Variants in ACVR1C observed in about 807,000 individuals in gnomAD.
The protein encoded by ACVR1C is activin receptor type-1C.
Under a neutral mutation model 57.9 loss-of-function variants are expected in ACVR1C, and 23 were observed. The observed-to-expected ratio is 0.40, with a 90% CI of 0.29 to 0.56. ACVR1C has a LOEUF of 0.56. Ranked by LOEUF, ACVR1C falls within the 20% of genes least tolerant of loss-of-function variation. The pLI, the probability that ACVR1C is intolerant of heterozygous loss-of-function variation, is 0.50. For synonymous variants in ACVR1C, 214 were observed against 215.3 expected (o/e 0.99, Z 0.05); for missense variants, 480 against 607.9 (o/e 0.79, Z 2.21).
In ACVR1C at chr2:157,530,523, G is replaced by C. The variant is rs1687329454; in HGVS notation, c.*3395C>G. On this transcript the variant is annotated 3_prime_UTR_variant, in exon 9 of 9. Transcript: ENST00000243349. ...TTGTTTTATTAGTAATTCTACAATA[G>C]TAGGTGTAATAAAATAATAAATTAT... The C allele has an allele frequency of 6.6e-6, 1 of 152,060 alleles. No individual in the cohort carries two copies. Among genetic ancestry groups the C allele is most frequent in the East Asian group, 1.9e-4 (1 of 5,206 alleles). The allele number at this position is 152,060 out of a possible 1,614,324, so 9.4% of individuals were successfully genotyped here. A position where few individuals can be genotyped will look rare whatever the true frequency, so the allele number is the denominator to read the frequency against.
intron 3 of ACVR1C, among the ~76,000 whole-genome samples, chr2:157,553,443 A>G (rs1295394229): frequency 6.6e-6 from 1 of 151,942 alleles, no homozygotes. Context: ...TGAAAACGAG[A>G]GAGTCCAGAA....
At chr2:157,621,495 G>A (rs1682770472) in intron 1 of ACVR1C, among the ~76,000 whole-genome samples, 1 of 152,110 alleles carries the variant, frequency 6.6e-6, no homozygotes, top group Non-Finnish European at 1.5e-5. Flanking sequence ...GGGTTTCAGG[G>A]AACCAAGTGG....
intron 8 of ACVR1C, among the ~76,000 whole-genome samples, chr2:157,535,736 T>A (rs905103888): frequency 1.3e-5 from 2 of 152,054 alleles, no homozygotes; most frequent in African/African-American, 4.8e-5. Flanking sequence ...TAAGCTGAGA[T>A]CATGCCACTG....
Position 157,544,438 on chromosome 2 carries a change from T to C in ACVR1C, c.943+7A>G, listed in dbSNP as rs1366515256. The stretch of plus-strand genomic sequence containing the variant: ...AAGTGGAAAAAAAATGAAAAGGAAA[T>C]ACATACCTTGTGTACCAACAATCTC... On this transcript the variant is annotated splice_region_variant and intron_variant, in intron 5 of 8. Transcript: ENST00000243349. 3 of 1,602,864 alleles carry C rather than the reference T, an allele frequency of 1.9e-6. No homozygotes were observed. The highest frequency in any genetic ancestry group is 2.2e-5 in the East Asian group (1 of 44,734).
chr2:157,555,504 G>T (rs1270649523), intron 3 of ACVR1C, among the ~76,000 whole-genome samples: 5 of 152,212 alleles, frequency 3.3e-5, no homozygotes, highest in Non-Finnish European at 7.4e-5. Context: ...GCAAAAGCCA[G>T]CACAGGAATG....
At chr2:157,543,326 A>G (rs1687666674) in intron 5 of ACVR1C, among the ~76,000 whole-genome samples, 1 of 152,192 alleles carries the variant, frequency 6.6e-6, no homozygotes, top group African/African-American at 2.4e-5. Context: ...TTCTTCACAT[A>G]TTTCAACCAA....
chr2:157,557,837 C>CT (rs1041615588), intron 2 of ACVR1C, among the ~76,000 whole-genome samples: 4 of 152,006 alleles, frequency 2.6e-5, no homozygotes, highest in East Asian at 3.9e-4. Context: ...TTTAAGAAAT[C>CT]TTTTTTTAAT....
Position 157,561,728 on chromosome 2 carries a change from C to A in ACVR1C, c.305-5396G>T, listed in dbSNP as rs374591912. Among the ~76,000 whole-genome samples the A allele has an allele frequency of 9.4e-4, 143 of 152,288 alleles. 3 individuals carry two copies. The South Asian group carries it at 0.029, about 30-fold the overall frequency. ...ATCATCATGATGAACCTCCCTTAAC[C>A]TGCCACTTCACAGCATCCTAAAATG... On this transcript the variant is annotated intron_variant, in intron 2 of 8. Transcript: ENST00000243349.
At chr2:157,607,490 A>G (rs1349842988) in intron 1 of ACVR1C, among the ~76,000 whole-genome samples, 1 of 151,112 alleles carries the variant, frequency 6.6e-6, no homozygotes, top group African/African-American at 2.4e-5. Context: ...GATTTTTTTT[A>G]TATTTCTGTG....
chr2:157,537,578 T>C (rs1687520187), intron 8 of ACVR1C, among the ~76,000 whole-genome samples: 1 of 151,790 alleles, frequency 6.6e-6, no homozygotes, highest in Admixed American at 6.6e-5. Context: ...TTGAGAAACA[T>C]GAAGGAAGAG....
rs188225830 is a variant in ACVR1C, at chr2:157,601,008, T to A, written c.74-13591A>T. On this transcript the variant is annotated intron_variant, in intron 1 of 8. Transcript: ENST00000243349. The stretch of plus-strand genomic sequence containing the variant: ...ATAGTTCTTAGACTTCTAGGAATTG[T>A]CATAAGTATTTCAGAAGGTAGGTTA... Among the ~76,000 whole-genome samples, 163 of 152,296 alleles carry A rather than the reference T, an allele frequency of 1.1e-3. 1 individual carries two copies. Among genetic ancestry groups the A allele is most frequent in the Non-Finnish European group, 1.8e-3 (120 of 68,026 alleles).
At chr2:157,625,217 C>G (rs1004099456) in intron 1 of ACVR1C, among the ~76,000 whole-genome samples, 1 of 152,124 alleles carries the variant, frequency 6.6e-6, no homozygotes, top group African/African-American at 2.4e-5. Flanking sequence ...CCCTTCTCTC[C>G]CCAGACCAGC....
At chr2:157,544,828 T>C (rs1017711512) in intron 4 of ACVR1C, among the ~76,000 whole-genome samples, 5 of 152,184 alleles carry the variant, frequency 3.3e-5, no homozygotes, top group African/African-American at 1.2e-4. Flanking sequence ...ACCATAAAAA[T>C]AGAAAGTTGT....
chr2:157,539,801 A>G (rs568764098), intron 7 of ACVR1C, among the ~76,000 whole-genome samples: 3 of 152,296 alleles, frequency 2.0e-5, no homozygotes, highest in East Asian at 3.9e-4. Flanking sequence ...CCTAGTGTCC[A>G]TGTTCGGCAC....
At chr2:157,595,228 G>C (rs1305930472) in intron 1 of ACVR1C, among the ~76,000 whole-genome samples, 1 of 152,242 alleles carries the variant, frequency 6.6e-6, no homozygotes, top group African/African-American at 2.4e-5. Context: ...TCTTAGATAG[G>C]AAGATGGCAG....
intron 2 of ACVR1C, among the ~76,000 whole-genome samples, chr2:157,561,673 T>A (rs1216387997): frequency 6.6e-6 from 1 of 152,154 alleles, no homozygotes; most frequent in Non-Finnish European, 1.5e-5. Flanking sequence ...AAAAACAGAG[T>A]GACATGTTAA....
At chr2:157,612,563 A>G (rs79442867) in intron 1 of ACVR1C, among the ~76,000 whole-genome samples, 8,589 of 151,060 alleles carry the variant, frequency 0.057, 503 homozygotes, top group African/African-American at 0.15. Context: ...AAGGGGTCCC[A>G]CTCTCTGTTT....
chr2:157,544,486 C>T lies in ACVR1C; in HGVS notation c.902G>A (p.Ser301Asn), dbSNP rs1356186302. 8.1e-6 allele frequency: 13 copies of T among 1,613,918 alleles called. No individual in the cohort carries two copies. The highest frequency in any genetic ancestry group is 1.1e-5 in the Non-Finnish European group (13 of 1,179,904). ...GMIKLALSIASGLAHLHMEIV... is the reference protein window; with the variant it reads ...GMIKLALSIANGLAHLHMEIV... The stretch of plus-strand genomic sequence containing the variant: ...CTCCATATGAAGGTGTGCCAGACCA[C>T]TAGCAATTGAGAGCGCCAGCTTGAT... The change falls in exon 5 of 9, where the codon AGT (serine) becomes AAT (asparagine). Residue 301 changes from serine (S) to asparagine (N), a missense_variant. Ser to Asn is a conservative substitution (Grantham distance 46). Coordinates refer to ENST00000243349, the MANE Select transcript of ACVR1C (RefSeq NM_145259.3).
chr2:157,627,608 A>T (rs1312885554), intron 1 of ACVR1C, among the ~76,000 whole-genome samples: 2 of 152,204 alleles, frequency 1.3e-5, no homozygotes, highest in Non-Finnish European at 2.9e-5. Context: ...TGTCAAACAG[A>T]TTGTCATCTG....
Sources: gnomAD v4.1 joint callset for allele counts (sites outside exome capture counted in the v4.1 genomes callset) on GRCh38, gnomAD v4.1.1 for gene constraint, MANE v1.5 for transcripts, NCBI Gene and HGNC (gene_info 2026-07-23, HGNC 2026-07-21) for gene names.